Variants in CACHD1 observed in about 807,000 individuals in gnomAD.
The protein encoded by CACHD1 is VWFA and cache domain-containing protein 1.
Under a neutral mutation model 138.7 loss-of-function variants are expected in CACHD1, and 71 were observed. The observed-to-expected ratio is 0.51, with a 90% CI of 0.42 to 0.62. The LOEUF (loss-of-function observed/expected upper bound fraction) is 0.62. Among genes scored for constraint, CACHD1 ranks in the 20% least tolerant of loss-of-function variants. The probability of loss-of-function intolerance (pLI) is 0.00; values close to 1 mark genes in which losing one functional copy is unlikely to be tolerated. For missense variants in CACHD1, 1,389 were observed against 1,625.3 expected (o/e 0.85, Z 2.50); for synonymous variants, 578 against 591.5 (o/e 0.98, Z 0.33).
At chr1:64,653,585 A>T (rs901772649) in intron 10 of CACHD1, among the ~76,000 whole-genome samples, 173 bp from the exon 11 acceptor site, 3 of 152,188 alleles carry the variant, frequency 2.0e-5, no homozygotes, top group African/African-American at 7.2e-5. Flanking sequence ...ACGCCTCAAG[A>T]GTTTTATGTA....
chr1:64,651,553 A>G (rs1277650952), intron 9 of CACHD1, among the ~76,000 whole-genome samples: 1 of 152,206 alleles, frequency 6.6e-6, no homozygotes, highest in Non-Finnish European at 1.5e-5. Context: ...TACTTGAGAG[A>G]CTGAGGAGGG....
intron 4 of CACHD1, among the ~76,000 whole-genome samples, chr1:64,603,442 A>C (rs1171849727): frequency 6.6e-6 from 1 of 152,188 alleles, no homozygotes; most frequent in Non-Finnish European, 1.5e-5. Context: ...TATATGGTAC[A>C]TGCCAAATAC....
At chr1:64,600,806 A>G (rs1647204728) in intron 3 of CACHD1, among the ~76,000 whole-genome samples, 1 of 152,254 alleles carries the variant, frequency 6.6e-6, no homozygotes, top group Non-Finnish European at 1.5e-5. Context: ...GCCTTTCTGA[A>G]GAAGGGAAAC....
chr1:64,602,204 A>G (rs998482108), intron 3 of CACHD1, among the ~76,000 whole-genome samples: 3 of 152,228 alleles, frequency 2.0e-5, no homozygotes, highest in African/African-American at 7.2e-5. Flanking sequence ...GTCATGTACT[A>G]TAAGAGGAAC....
intron 7 of CACHD1, among the ~76,000 whole-genome samples, chr1:64,641,055 T>C (rs1041020807): frequency 1.3e-5 from 2 of 152,138 alleles, no homozygotes; most frequent in African/African-American, 2.4e-5. Context: ...GTGTGTGTTG[T>C]AGTTTCTTTT....
At chr1:64,630,827 A>G (rs1032806407) in intron 5 of CACHD1, among the ~76,000 whole-genome samples, 3 of 152,148 alleles carry the variant, frequency 2.0e-5, no homozygotes, top group Admixed American at 1.3e-4. Context: ...CCTTGTCAAA[A>G]TCAGCATTCA....
intron 2 of CACHD1, 43 bp from the exon 3 acceptor site, chr1:64,582,107 AGTTATT>A: frequency 6.3e-7 from 1 of 1,593,358 alleles, no homozygotes; most frequent in Non-Finnish European, 8.6e-7. Flanking sequence ...AAATACAATG[AGTTATT>A]GTCTTGGACT....
At chr1:64,494,986 T>A (rs1646298131) in intron 1 of CACHD1, among the ~76,000 whole-genome samples, 1 of 152,166 alleles carries the variant, frequency 6.6e-6, no homozygotes, top group Non-Finnish European at 1.5e-5. Flanking sequence ...TTGGCATAAA[T>A]CTTGTTTCTT....
At chr1:64,476,456 A>G (rs928214219) in intron 1 of CACHD1, among the ~76,000 whole-genome samples, 5 of 152,262 alleles carry the variant, frequency 3.3e-5, no homozygotes, top group Non-Finnish European at 7.3e-5. Flanking sequence ...TAATTACGCA[A>G]TATAGAATAT....
intron 1 of CACHD1, among the ~76,000 whole-genome samples, chr1:64,479,096 A>G (rs1646194491): frequency 1.3e-5 from 2 of 152,216 alleles, no homozygotes; most frequent in Admixed American, 1.3e-4. Context: ...GGGTTACAAA[A>G]AGAAAATGCA....
At chr1:64,472,251 CT>C (rs1646150155) in intron 1 of CACHD1, among the ~76,000 whole-genome samples, 1 of 152,072 alleles carries the variant, frequency 6.6e-6, no homozygotes, top group South Asian at 2.1e-4. Context: ...CCTCCTCCTC[CT>C]CCTTCTCGTT....
At chr1:64,563,767 T>G (rs1433692018) in intron 2 of CACHD1, 1 of 152,178 alleles carries the variant, frequency 6.6e-6, no homozygotes, top group Non-Finnish European at 1.5e-5. Context: ...GGATACAGAA[T>G]CAAAGAGCCT....
intron 4 of CACHD1, among the ~76,000 whole-genome samples, chr1:64,624,987 T>A (rs758288217): frequency 6.6e-6 from 1 of 152,234 alleles, no homozygotes; most frequent in Non-Finnish European, 1.5e-5. Flanking sequence ...TTCATTCATT[T>A]ACAAATGTCT....
At chr1:64,535,526 T>C (rs1646625709) in intron 1 of CACHD1, among the ~76,000 whole-genome samples, 1 of 152,096 alleles carries the variant, frequency 6.6e-6, no homozygotes, top group African/African-American at 2.4e-5. Context: ...AGTTTCACCA[T>C]GTTGGCCAGG....
chr1:64,636,109 CAA>C (rs5774716), intron 7 of CACHD1, among the ~76,000 whole-genome samples: 2,353 of 136,972 alleles, frequency 0.017, 28 homozygotes, highest in Middle Eastern at 0.03. Context: ...GACTCAGTCT[CAA>C]AAAAAAAAAA....
chr1:64,571,994 C>G (rs1359433468), intron 2 of CACHD1, among the ~76,000 whole-genome samples: 2 of 152,130 alleles, frequency 1.3e-5, no homozygotes, highest in African/African-American at 4.8e-5. Flanking sequence ...AAGTTATGCA[C>G]AGATATTTGT....
chr1:64,540,990 G>A (rs1338254326), intron 1 of CACHD1, among the ~76,000 whole-genome samples: 2 of 152,234 alleles, frequency 1.3e-5, no homozygotes, highest in Non-Finnish European at 1.5e-5. Flanking sequence ...GTGTGTGTGT[G>A]TGTGTGTGCA....
chr1:64,561,514 C>A (rs1646838913), intron 2 of CACHD1, among the ~76,000 whole-genome samples: 1 of 151,738 alleles, frequency 6.6e-6, no homozygotes, highest in Admixed American at 6.6e-5. Context: ...GTGAAGATAC[C>A]CTAGTGACAA....
intron 1 of CACHD1, among the ~76,000 whole-genome samples, chr1:64,510,196 G>A (rs1646408824): frequency 6.6e-6 from 1 of 152,152 alleles, no homozygotes; most frequent in South Asian, 2.1e-4. Flanking sequence ...CACAAAAAAG[G>A]GATGCGGAGG....
Sources: gnomAD v4.1 joint callset for allele counts (sites outside exome capture counted in the v4.1 genomes callset) on GRCh38, gnomAD v4.1.1 for gene constraint, MANE v1.5 for transcripts, NCBI Gene and HGNC (gene_info 2026-07-23, HGNC 2026-07-21) for gene names.